The following TLK1 variants were observed in gnomAD, a reference collection of about 807,000 sequenced individuals.
TLK1 encodes the protein tousled like kinase 1.
Under a neutral mutation model 105.3 loss-of-function variants are expected in TLK1, and 24 were observed. The ratio of observed to expected loss-of-function variants is 0.23; its 90% CI spans 0.17 to 0.32. TLK1 has a LOEUF of 0.32. Among genes scored for constraint, TLK1 ranks in the 10% least tolerant of loss-of-function variants. TLK1 has a pLI of 1.00. For synonymous variants in TLK1, 321 were observed against 310.4 expected, an observed-to-expected ratio of 1.03 and a Z score of -0.36; for missense variants, 558 against 910.5, an observed-to-expected ratio of 0.61 and a Z score of 4.98.
At chr2:171,078,608 C>T (rs1371276681) in intron 3 of TLK1, among the ~76,000 whole-genome samples, 1 of 152,068 alleles carries the variant, frequency 6.6e-6, no homozygotes, top group African/African-American at 2.4e-5. Context: ...CCAGACCTAC[C>T]GTCATAAACA....
intron 18 of TLK1, among the ~76,000 whole-genome samples, chr2:170,999,238 T>C (rs553493125): frequency 6.6e-6 from 1 of 152,322 alleles, no homozygotes; most frequent in Admixed American, 6.5e-5. Flanking sequence ...TTTTAAAAAA[T>C]GCAGTTTTGT....
chr2:171,065,377 G>A (rs535303441), intron 3 of TLK1, among the ~76,000 whole-genome samples: 1 of 152,190 alleles, frequency 6.6e-6, no homozygotes, highest in African/African-American at 2.4e-5. Context: ...ATTTCTTTTT[G>A]TTAAACAAGA....
intron 1 of TLK1, among the ~76,000 whole-genome samples, chr2:171,206,274 G>A (rs757518831): frequency 1.3e-5 from 2 of 152,164 alleles, no homozygotes; most frequent in Non-Finnish European, 2.9e-5. Flanking sequence ...ACAATCAATA[G>A]CATCTTACAT....
At chr2:171,193,699 CATTTTTTTTTTTTTTTTTT>C (rs1693205445) in intron 1 of TLK1, among the ~76,000 whole-genome samples, 2 of 103,226 alleles carry the variant, frequency 1.9e-5, no homozygotes, top group Non-Finnish European at 3.7e-5. Flanking sequence ...CAGCGCCTGG[CATTTTTTTTTTTTTTTTTT>C]TTTTTTTTTT....
chr2:171,013,386 C>A (rs1685023424), intron 13 of TLK1, among the ~76,000 whole-genome samples: 1 of 123,434 alleles, frequency 8.1e-6, no homozygotes, highest in Non-Finnish European at 1.6e-5. Context: ...GGACTGCGAT[C>A]TAGGCTCACT....
intron 1 of TLK1, among the ~76,000 whole-genome samples, chr2:171,207,750 T>C (rs1693532651): frequency 6.6e-6 from 1 of 152,200 alleles, no homozygotes; most frequent in Non-Finnish European, 1.5e-5. Context: ...TGAATCACTT[T>C]CTTTTTGTCA....
chr2:171,099,890 T>A (rs1437192277), intron 2 of TLK1, among the ~76,000 whole-genome samples: 1 of 152,156 alleles, frequency 6.6e-6, no homozygotes, highest in Non-Finnish European at 1.5e-5. Flanking sequence ...TAAGAATTAT[T>A]TATAATTATA....
chr2:171,001,751 TCTC>T (rs1031862819), intron 18 of TLK1, among the ~76,000 whole-genome samples: 34 of 152,272 alleles, frequency 2.2e-4, no homozygotes, highest in African/African-American at 8.2e-4. Context: ...AGCTATCCTT[TCTC>T]CTCAATTATT....
chr2:171,015,700 T>TACAC (rs1283801185), intron 12 of TLK1, among the ~76,000 whole-genome samples: 8 of 3,272 alleles, frequency 2.4e-3, no homozygotes, highest in African/African-American at 4.4e-3. Context: ...CACACACACA[T>TACAC]ATACACACAC....
chr2:171,208,726 C>T (rs1255111952), intron 1 of TLK1, among the ~76,000 whole-genome samples: 2 of 152,176 alleles, frequency 1.3e-5, no homozygotes, highest in Non-Finnish European at 2.9e-5. Context: ...TGACAACCAT[C>T]CCAAAGTTTA....
intron 3 of TLK1, among the ~76,000 whole-genome samples, chr2:171,080,705 TTTTC>T (rs1408271396): frequency 6.6e-6 from 1 of 151,576 alleles, no homozygotes; most frequent in Non-Finnish European, 1.5e-5. Context: ...GTCAAAAGAT[TTTTC>T]TTTTTTTTTT....
chr2:171,141,425 G>A (rs1270043149), intron 1 of TLK1, among the ~76,000 whole-genome samples: 1 of 152,176 alleles, frequency 6.6e-6, no homozygotes, highest in Non-Finnish European at 1.5e-5. Flanking sequence ...GCACTGGGCA[G>A]TGCAGTCCTA....
Position 171,006,839 on chromosome 2 carries a change from A to G in TLK1, c.1559T>C (p.Ile520Thr). Residue 520 changes from isoleucine to threonine, a missense_variant, in exon 16 of 21, where the codon ATA becomes ACA. Physicochemically the swap from Ile to Thr is moderately conservative, Grantham distance 89. Transcript: ENST00000431350. ...RIHKELDHPRIVKLYDYFSLD... is the reference protein window; with the variant it reads ...RIHKELDHPRTVKLYDYFSLD... ...GGAGAAATAATCATAGAGTTTAACTATTCTGGGGTGATCCAGTTCTTTGTG... is the reference window on the plus strand; with the variant it reads ...GGAGAAATAATCATAGAGTTTAACTGTTCTGGGGTGATCCAGTTCTTTGTG... 6.2e-7 allele frequency: 1 copy of G among 1,613,312 alleles called. No homozygotes were observed. Among genetic ancestry groups the G allele is most frequent in the Non-Finnish European group, 8.5e-7 (1 of 1,179,504 alleles).
chr2:171,022,774 G>C (rs1468498594), intron 12 of TLK1: 1 of 189,562 alleles, frequency 5.3e-6, no homozygotes, highest in Admixed American at 5.5e-5. Flanking sequence ...ATTCTTTGTG[G>C]TCATACTAAG....
At chr2:171,070,100 AT>A (rs1688183327) in intron 3 of TLK1, among the ~76,000 whole-genome samples, 1 of 151,780 alleles carries the variant, frequency 6.6e-6, no homozygotes, top group Admixed American at 6.6e-5. Context: ...CTTTAAAAAA[AT>A]ATCTTCACTC....
intron 18 of TLK1, among the ~76,000 whole-genome samples, chr2:171,001,217 C>T (rs1272684959): frequency 6.6e-6 from 1 of 152,164 alleles, no homozygotes; most frequent in Non-Finnish European, 1.5e-5. Context: ...GATGTTCTGT[C>T]TACTGGTGTC....
At chr2:171,130,213 C>T (rs1691043751) in intron 1 of TLK1, among the ~76,000 whole-genome samples, 1 of 152,176 alleles carries the variant, frequency 6.6e-6, no homozygotes, top group Non-Finnish European at 1.5e-5. Context: ...ACCAACCTGG[C>T]CAACATGGTG....
chr2:171,014,681 T>G (rs1297768973), intron 13 of TLK1, among the ~76,000 whole-genome samples, 170 bp downstream of exon 13: 1 of 151,946 alleles, frequency 6.6e-6, no homozygotes, highest in Non-Finnish European at 1.5e-5. Flanking sequence ...GTGAGGACAG[T>G]AAGGTGGCCA....
chr2:171,103,016 C>T (rs1370894604), intron 2 of TLK1, among the ~76,000 whole-genome samples: 1 of 151,932 alleles, frequency 6.6e-6, no homozygotes, highest in Non-Finnish European at 1.5e-5. Flanking sequence ...TGAGATAAGG[C>T]CTCTTTGAAG....
Sources: allele counts gnomAD v4.1 joint callset (sites outside exome capture counted in the v4.1 genomes callset), GRCh38; gene constraint gnomAD v4.1.1; transcripts MANE v1.5; gene names NCBI Gene and HGNC (gene_info 2026-07-23, HGNC 2026-07-21).